Variants in RFTN1 observed in about 807,000 individuals in gnomAD.
RFTN1 encodes raftlin.
In RFTN1, 26 loss-of-function variants were observed where a neutral mutation model predicts 46.5. The ratio of observed to expected loss-of-function variants is 0.56; its 90% confidence interval spans 0.41 to 0.78. The LOEUF (loss-of-function observed/expected upper bound fraction) is 0.78. Among genes scored for constraint, RFTN1 ranks in the 30% least tolerant of loss-of-function variants. The pLI, the probability that RFTN1 is intolerant of heterozygous loss-of-function variation, is 0.00. For missense variants in RFTN1, 693 were observed against 718.7 expected, an observed-to-expected ratio of 0.96 and a Z score of 0.41; for synonymous variants, 261 against 284.2, an observed-to-expected ratio of 0.92 and a Z score of 0.82.
At chr3:16,454,977 C>T (rs1311694879) in intron 2 of RFTN1, 1 of 159,186 alleles carries the variant, frequency 6.3e-6, no homozygotes, top group Non-Finnish European at 1.3e-5. Context: ...GACAGCAAAA[C>T]CCAGCCTCCT....
At chr3:16,396,493 T>C (rs2074472649) in intron 4 of RFTN1, among the ~76,000 whole-genome samples, 1 of 152,178 alleles carries the variant, frequency 6.6e-6, no homozygotes, top group Non-Finnish European at 1.5e-5. Flanking sequence ...TGTTAGAAGA[T>C]TGCTATATCT....
chr3:16,433,702 C>T lies in RFTN1; in HGVS notation c.332+149G>A. The T allele has an allele frequency of 1.3e-6, 1 of 760,102 alleles. No individual in the cohort carries two copies. The highest frequency in any genetic ancestry group is 2.2e-6 in the Non-Finnish European group (1 of 446,646). 47.1% of individuals were successfully genotyped at this position (760,102 alleles called of 1,614,324 possible). ...CTAGGAAAGAAACCTCTCTGGTTGT[C>T]TAACTGTTTGCCTCACCTGTCTGAG... On this transcript the variant is annotated intron_variant, in intron 3 of 9. Transcript: ENST00000334133. This position sits in a 1 kb window ranked among gnomAD's most constrained non-coding sequence, Gnocchi z 4.4.
chr3:16,512,808 T>G lies in RFTN1; in HGVS notation c.-9+634A>C, dbSNP rs1693715790. The G allele has an allele frequency of 6.6e-6, 1 of 152,208 alleles. No individual in the cohort carries two copies. The highest frequency in any genetic ancestry group is 2.1e-4 in the South Asian group (1 of 4,828). 9.4% of individuals were successfully genotyped at this position (152,208 alleles called of 1,614,324 possible). A position where few individuals can be genotyped will look rare whatever the true frequency, so the allele number is the denominator to read the frequency against. ...CAGAAGAGGAGATCCCCGTTTTCAGTGCTGGGGACTCTCGGCACCCGCGTC... is the reference window on the plus strand; with the variant it reads ...CAGAAGAGGAGATCCCCGTTTTCAGGGCTGGGGACTCTCGGCACCCGCGTC... On this transcript the variant is annotated intron_variant, in intron 1 of 9. Coordinates refer to ENST00000334133, the MANE Select transcript of RFTN1 (RefSeq NM_015150.2). The surrounding 1 kb of genome is among the most constrained non-coding windows in gnomAD (Gnocchi z 4.3).
At position 16,474,488 on chromosome 3, in the gene RFTN1, A is replaced by T. The variant is rs1559365551; in HGVS notation, c.145+19237T>A. Among the ~76,000 whole-genome samples, 1 of 152,214 alleles carries T rather than the reference A, an allele frequency of 6.6e-6. No individual in the cohort carries two copies. The highest frequency in any genetic ancestry group is 6.5e-5 in the Admixed American group (1 of 15,284). The stretch of plus-strand genomic sequence containing the variant: ...TAAACAAAGGCTGACCATGAGAAAG[A>T]TACCAGTACACCCCCAGGAAGCCAG... On this transcript the variant is annotated intron_variant, in intron 2 of 9. Transcript: ENST00000334133. This position sits in a 1 kb window ranked among gnomAD's most constrained non-coding sequence, Gnocchi z 5.5.
intron 1 of RFTN1, 22 bp from the exon 2 acceptor site, chr3:16,493,899 C>A (rs778968243): frequency 6.2e-6 from 10 of 1,611,908 alleles, no homozygotes; most frequent in African/African-American, 1.3e-5. Flanking sequence ...AGGAAAAAGG[C>A]GGGGAGGTGA....
rs184265570 is a variant in RFTN1 at position 16,383,638 on chromosome 3, G to C, written c.442-5536C>G. Reference sequence around the variant, plus strand: ...ATACCATGTTGCTAATGATAAGTGCGATATATACTCTATGTGCATGCGAAT... The same window carrying C: ...ATACCATGTTGCTAATGATAAGTGCCATATATACTCTATGTGCATGCGAAT... On this transcript the variant is annotated intron_variant, in intron 4 of 9. Transcript: ENST00000334133. This position sits in a 1 kb window ranked among gnomAD's most constrained non-coding sequence, Gnocchi z 4.0. 6.6e-6 allele frequency among the ~76,000 whole-genome samples: 1 copy of C among 152,094 alleles called. No homozygotes were observed. The highest frequency in any genetic ancestry group is 6.5e-5 in the Admixed American group (1 of 15,286).
rs2074966836 is a variant in RFTN1, at chr3:16,410,706, C to T, written c.333-1223G>A. ...GTCTTGCTGTCAAAGGAGAGGCTTCCTAGCGCACCCTGCCATCTCTGCACA... is the reference window on the plus strand; with the variant it reads ...GTCTTGCTGTCAAAGGAGAGGCTTCTTAGCGCACCCTGCCATCTCTGCACA... On this transcript the variant is annotated intron_variant, in intron 3 of 9. Coordinates refer to ENST00000334133, the MANE Select transcript of RFTN1 (RefSeq NM_015150.2). This position sits in a 1 kb window ranked among gnomAD's most constrained non-coding sequence, Gnocchi z 4.6. 6.6e-6 allele frequency among the ~76,000 whole-genome samples: 1 copy of T among 152,192 alleles called. No individual in the cohort carries two copies. Among genetic ancestry groups the T allele is most frequent in the Admixed American group, 6.5e-5 (1 of 15,310 alleles).
rs917493249 is a variant in RFTN1, at chr3:16,473,333, G to C, written c.145+20392C>G. Among the ~76,000 whole-genome samples, 3 of 151,944 alleles carry C rather than the reference G, an allele frequency of 2.0e-5. No homozygotes were observed. The highest frequency in any genetic ancestry group is 2.0e-4 in the Admixed American group (3 of 15,256). On this transcript the variant is annotated intron_variant, in intron 2 of 9. Coordinates refer to ENST00000334133, the MANE Select transcript of RFTN1 (RefSeq NM_015150.2). This position sits in a 1 kb window ranked among gnomAD's most constrained non-coding sequence, Gnocchi z 5.3. ...TCACACCTATTGAAAAATCCAGTAA[G>C]ACTTGAAGTACCTTCCTGTCAGATG...
In RFTN1 at chr3:16,317,043, T is replaced by C. The variant is rs747364482; in HGVS notation, c.1522A>G (p.Met508Val). The C allele has an allele frequency of 1.2e-6, 2 of 1,613,514 alleles. No individual in the cohort carries two copies. The highest frequency in any genetic ancestry group is 8.5e-7 in the Non-Finnish European group (1 of 1,179,902). The change falls in exon 10 of 10, where the codon ATG becomes GTG. Residue 508 changes from methionine to valine, a missense_variant. Coordinates refer to ENST00000334133, the MANE Select transcript of RFTN1 (RefSeq NM_015150.2). The surrounding 1 kb of genome is among the most constrained non-coding windows in gnomAD (Gnocchi z 4.3). ...QQQEGGVSEE[M>V]KGPVQEDKGE... ...TTGTCCTCTTGGACAGGGCCCTTCATCTCCTCGGAGACTCCACCCTCCTGC... is the reference window on the plus strand; with the variant it reads ...TTGTCCTCTTGGACAGGGCCCTTCACCTCCTCGGAGACTCCACCCTCCTGC...
chr3:16,318,420 A>T lies in RFTN1; in HGVS notation c.1333-1188T>A, dbSNP rs552943767. ...GAGAGGAGCCCAGGAATGCAGTTGCACCATCAGTGGGAAATGATTTCTTAA... is the reference window on the plus strand; with the variant it reads ...GAGAGGAGCCCAGGAATGCAGTTGCTCCATCAGTGGGAAATGATTTCTTAA... On this transcript the variant is annotated intron_variant, in intron 9 of 9. Transcript: ENST00000334133. Among the ~76,000 whole-genome samples, 92 of 152,306 alleles carry T rather than the reference A, an allele frequency of 6.0e-4. 1 individual carries two copies. In the South Asian group the frequency reaches 0.018, roughly 30 times the overall value.
Position 16,317,906 on chromosome 3 carries a change from C to G in RFTN1, c.1333-674G>C, listed in dbSNP as rs2068597852. On this transcript the variant is annotated intron_variant, in intron 9 of 9. Coordinates refer to ENST00000334133, the MANE Select transcript of RFTN1 (RefSeq NM_015150.2). The surrounding 1 kb of genome is among the most constrained non-coding windows in gnomAD (Gnocchi z 4.3). ...GGATAACGCAAATGCCATCCCAGCT[C>G]CAAGCCAACCTGGGGGATTGTGACT... is the stretch of plus-strand genomic sequence containing the variant. Among the ~76,000 whole-genome samples, 1 of 152,212 alleles carries G rather than the reference C, an allele frequency of 6.6e-6. No individual in the cohort carries two copies.
chr3:16,434,743 C>A (rs1202043913), intron 2 of RFTN1: 1 of 152,006 alleles, frequency 6.6e-6, no homozygotes, highest in African/African-American at 2.4e-5. Flanking sequence ...TGGCAAAAAG[C>A]AGCATAAACA....
At position 16,407,410 on chromosome 3, in the gene RFTN1, C is replaced by T. The variant is rs1237539798; in HGVS notation, c.441+1965G>A. On this transcript the variant is annotated intron_variant, in intron 4 of 9. Coordinates refer to ENST00000334133, the MANE Select transcript of RFTN1 (RefSeq NM_015150.2). This position sits in a 1 kb window ranked among gnomAD's most constrained non-coding sequence, Gnocchi z 4.0. Reference sequence around the variant, plus strand: ...GTCTCACTATGTTGCCCAGTCTAATCTCAAACTCCTGAGCTCAAGCAATCC... The same window carrying T: ...GTCTCACTATGTTGCCCAGTCTAATTTCAAACTCCTGAGCTCAAGCAATCC... Among the ~76,000 whole-genome samples the T allele has an allele frequency of 6.6e-6, 1 of 151,568 alleles. No individual in the cohort carries two copies. Among genetic ancestry groups the T allele is most frequent in the Non-Finnish European group, 1.5e-5 (1 of 67,938 alleles).
At chr3:16,493,185 T>C (rs2076567962) in intron 2 of RFTN1, among the ~76,000 whole-genome samples, 1 of 152,044 alleles carries the variant, frequency 6.6e-6, no homozygotes, top group Admixed American at 6.5e-5. Context: ...TATCCATATG[T>C]ATTGCTTGGC....
At chr3:16,326,065 T>C (rs947494320) in intron 8 of RFTN1, among the ~76,000 whole-genome samples, 3 of 152,250 alleles carry the variant, frequency 2.0e-5, no homozygotes, top group Non-Finnish European at 4.4e-5. Context: ...CTCAGTTTCC[T>C]CATCTGCAAA....
chr3:16,381,245 G>A lies in RFTN1; in HGVS notation c.442-3143C>T, dbSNP rs914066805. Among the ~76,000 whole-genome samples the A allele has an allele frequency of 6.6e-6, 1 of 152,028 alleles. No individual in the cohort carries two copies. The highest frequency in any genetic ancestry group is 1.5e-5 in the Non-Finnish European group (1 of 68,024). On this transcript the variant is annotated intron_variant, in intron 4 of 9. Transcript: ENST00000334133. This position sits in a 1 kb window ranked among gnomAD's most constrained non-coding sequence, Gnocchi z 4.2. ...AAAACAGCACTGTATTTGGGGAGTG[G>A]GGCTATAAGTGATTTTTTTCTATTA...
Position 16,393,910 on chromosome 3 carries a change from C to T in RFTN1, c.441+15465G>A, listed in dbSNP as rs551877959. Among the ~76,000 whole-genome samples the T allele has an allele frequency of 5.9e-5, 9 of 152,266 alleles. No individual in the cohort carries two copies. The East Asian group carries it at 1.2e-3, about 20-fold the overall frequency. On this transcript the variant is annotated intron_variant, in intron 4 of 9. Coordinates refer to ENST00000334133, the MANE Select transcript of RFTN1 (RefSeq NM_015150.2). ...TCCTGACCTCATGATCTGCCTGCCT[C>T]GGCCTCCCAAAATGCTGGGATTACA... is the stretch of plus-strand genomic sequence containing the variant.
chr3:16,492,127 T>C (rs1037244146), intron 2 of RFTN1, among the ~76,000 whole-genome samples: 2 of 152,144 alleles, frequency 1.3e-5, no homozygotes, highest in African/African-American at 4.8e-5. Context: ...AGGATGGTGG[T>C]GGCATGACTG....
intron 2 of RFTN1, chr3:16,482,771 A>G: frequency 1.3e-6 from 2 of 1,536,150 alleles, no homozygotes; most frequent in South Asian, 2.4e-5. Context: ...CCACTGCTCC[A>G]TCACAATACA....
Sources: gnomAD v4.1 joint callset for allele counts (sites outside exome capture counted in the v4.1 genomes callset) on GRCh38, gnomAD v4.1.1 for gene constraint, Gnocchi (gnomAD v3.1) non-coding constraint, MANE v1.5 for transcripts, NCBI Gene and HGNC (gene_info 2026-07-23, HGNC 2026-07-21) for gene names.